DLGAP2: variants seen among roughly 807,000 people sequenced by gnomAD.
DLGAP2 encodes the protein disks large-associated protein 2.
Under a neutral mutation model 100.3 loss-of-function variants are expected in DLGAP2, and 26 were observed. The observed-to-expected ratio is 0.26, with a 90% CI of 0.19 to 0.36. DLGAP2 has a LOEUF of 0.36. Ranked by LOEUF, DLGAP2 falls within the 10% of genes least tolerant of loss-of-function variation. The probability of loss-of-function intolerance (pLI) is 1.00; values close to 1 mark genes in which losing one functional copy is unlikely to be tolerated. For synonymous variants in DLGAP2, 886 were observed against 630.1 expected (o/e 1.41, Z -6.08); for missense variants, 1,858 against 1,453.2 (o/e 1.28, Z -4.53).
intron 1 of DLGAP2, among the ~76,000 whole-genome samples, chr8:818,667 T>G (rs904765347): frequency 3.3e-5 from 5 of 152,342 alleles, no homozygotes; most frequent in Admixed American, 2.6e-4. Context: ...TAATCCTCTC[T>G]GCTGTTTAAA....
chr8:1,090,942 A>T (rs1409630162), intron 2 of DLGAP2, among the ~76,000 whole-genome samples: 2 of 152,162 alleles, frequency 1.3e-5, no homozygotes, highest in Non-Finnish European at 2.9e-5. Flanking sequence ...GTACTTAGCT[A>T]AACTGATTAC....
chr8:853,532 G>A (rs1043790097), intron 1 of DLGAP2, among the ~76,000 whole-genome samples: 19 of 152,138 alleles, frequency 1.2e-4, no homozygotes, highest in Admixed American at 4.6e-4. Flanking sequence ...CGACATCCAA[G>A]TTCTCAGATG....
At position 1,315,093 on chromosome 8, in the gene DLGAP2, C is replaced by T. The variant is rs572661834; in HGVS notation, c.106+56210C>T. Among the ~76,000 whole-genome samples the T allele has an allele frequency of 5.3e-5, 8 of 152,288 alleles. No homozygotes were observed. In the South Asian group the frequency reaches 1.5e-3, roughly 28 times the overall value. ...ACAAAAGAGGTTTTTTCAGAAGCGG[C>T]GACACCATAGAACCGTATTTAGTAA... is the stretch of plus-strand genomic sequence containing the variant. On this transcript the variant is annotated intron_variant, in intron 3 of 14. Transcript: ENST00000637795.
At chr8:1,346,188 A>G (rs541236347) in intron 3 of DLGAP2, among the ~76,000 whole-genome samples, 1 of 152,350 alleles carries the variant, frequency 6.6e-6, no homozygotes, top group East Asian at 1.9e-4. Flanking sequence ...GTTCCCATAC[A>G]GAGCTGCATT....
chr8:1,425,450 C>A (rs1407068255), intron 3 of DLGAP2, among the ~76,000 whole-genome samples: 1 of 152,144 alleles, frequency 6.6e-6, no homozygotes, highest in African/African-American at 2.4e-5. Context: ...AACCTGGTAC[C>A]TGTTTAAGAA....
intron 1 of DLGAP2, among the ~76,000 whole-genome samples, chr8:778,055 A>ATTGT (rs940662157): frequency 1.1e-3 from 1 of 874 alleles, no homozygotes. Context: ...ATTTCTTTTT[A>ATTGT]TTCTTCTCTG....
At chr8:1,001,333 C>T (rs1800949816) in intron 2 of DLGAP2, among the ~76,000 whole-genome samples, 1 of 152,152 alleles carries the variant, frequency 6.6e-6, no homozygotes, top group Admixed American at 6.5e-5. Context: ...AGTTTTTGAA[C>T]AAAAACATAA....
At chr8:1,389,603 C>T (rs1160199718) in intron 3 of DLGAP2, among the ~76,000 whole-genome samples, 2 of 152,130 alleles carry the variant, frequency 1.3e-5, no homozygotes, top group Non-Finnish European at 1.5e-5. Context: ...CCAGGCTCAG[C>T]AGCTTGGATA....
chr8:999,937 T>G (rs536608614), intron 2 of DLGAP2, among the ~76,000 whole-genome samples: 198 of 150,704 alleles, frequency 1.3e-3, no homozygotes, highest in Non-Finnish European at 2.3e-3. Flanking sequence ...TGGTTTTCTT[T>G]TGCACTGGAT....
intron 2 of DLGAP2, among the ~76,000 whole-genome samples, chr8:1,250,823 G>C (rs1799022900): frequency 1.3e-5 from 2 of 152,336 alleles, no homozygotes; most frequent in South Asian, 4.1e-4. Flanking sequence ...GCACACTTAT[G>C]TCGGCCTGCT....
At chr8:1,474,968 A>G (rs1312085423) in intron 3 of DLGAP2, among the ~76,000 whole-genome samples, 1 of 152,268 alleles carries the variant, frequency 6.6e-6, no homozygotes, top group Non-Finnish European at 1.5e-5. Flanking sequence ...CAGGAAAGAC[A>G]TGGCCTCAAC....
At chr8:1,164,528 C>T (rs527453712) in intron 2 of DLGAP2, among the ~76,000 whole-genome samples, 51 of 152,084 alleles carry the variant, frequency 3.4e-4, no homozygotes, top group Non-Finnish European at 1.6e-4. Context: ...TGGGAACTTT[C>T]CTCCCTTCCC....
chr8:1,117,060 C>T (rs927550751), intron 2 of DLGAP2, among the ~76,000 whole-genome samples: 1 of 152,190 alleles, frequency 6.6e-6, no homozygotes, highest in Non-Finnish European at 1.5e-5. Flanking sequence ...GATCCCAAAG[C>T]TTTATGGGTT....
rs567451595 is a variant in DLGAP2 at position 1,647,488 on chromosome 8, C to CAAAAAAAA, written c.1810+14473_1810+14480dup. Among the ~76,000 whole-genome samples, 23 of 44,982 alleles carry CAAAAAAAA rather than the reference C, an allele frequency of 5.1e-4. 5 individuals carry two copies. Among genetic ancestry groups the CAAAAAAAA allele is most frequent in the Non-Finnish European group, 1.0e-3 (18 of 17,214 alleles). 29.5% of individuals were successfully genotyped at this position (44,982 alleles called of 152,430 possible). On this transcript the variant is annotated intron_variant, in intron 8 of 14. Transcript: ENST00000637795. Reference sequence around the variant, plus strand: ...TGGGAGACAGAGAGAGACTCTGTCTCAAAAAAAAAAAAAAAAAAAAAAAAA... The same window carrying CAAAAAAAA: ...TGGGAGACAGAGAGAGACTCTGTCTCAAAAAAAAAAAAAAAAAAAAAAAAAAAAAAAAA...
At chr8:1,502,872 G>C (rs1226762633) in intron 4 of DLGAP2, among the ~76,000 whole-genome samples, 1 of 152,166 alleles carries the variant, frequency 6.6e-6, no homozygotes, top group Non-Finnish European at 1.5e-5. Context: ...GGCCTTCTCT[G>C]GGGCAGCAGG....
chr8:1,086,241 T>G (rs1209778876), intron 2 of DLGAP2, among the ~76,000 whole-genome samples: 1 of 152,238 alleles, frequency 6.6e-6, no homozygotes, highest in Admixed American at 6.5e-5. Context: ...CCAATTTGTA[T>G]GTTTTTCATT....
chr8:1,359,039 G>A (rs954600571), intron 3 of DLGAP2, among the ~76,000 whole-genome samples: 1 of 152,198 alleles, frequency 6.6e-6, no homozygotes, highest in African/African-American at 2.4e-5. Flanking sequence ...CAGAGCTTCG[G>A]ATTCGGCAGG....
At chr8:821,401 A>G (rs1157739250) in intron 1 of DLGAP2, among the ~76,000 whole-genome samples, 4 of 152,186 alleles carry the variant, frequency 2.6e-5, no homozygotes. Context: ...TTATCAACCT[A>G]ATAAGTCTCC....
rs552065018 is a variant in DLGAP2, at chr8:1,243,767, C to T, written c.74-15084C>T. Among the ~76,000 whole-genome samples the T allele has an allele frequency of 3.9e-5, 6 of 152,280 alleles. No individual in the cohort carries two copies. The East Asian group carries it at 5.8e-4, about 15-fold the overall frequency. On this transcript the variant is annotated intron_variant, in intron 2 of 14. Transcript: ENST00000637795. ...GAGCATCTCGCCTCTGCTGTCTCTT[C>T]TCTCAGGTGGGCCACCCACCCTGCC...
Sources: gnomAD v4.1 joint callset for allele counts (sites outside exome capture counted in the v4.1 genomes callset) on GRCh38, gnomAD v4.1.1 for gene constraint, MANE v1.5 for transcripts, NCBI Gene and HGNC (gene_info 2026-07-23, HGNC 2026-07-21) for gene names.